The following FSIP2 variants were observed in gnomAD, a reference collection of about 807,000 sequenced individuals.
FSIP2 encodes the protein fibrous sheath interacting protein 2.
In FSIP2, 367 loss-of-function variants were observed where a neutral mutation model predicts 510.5. The observed-to-expected ratio is 0.72, with a 90% CI of 0.66 to 0.78. The LOEUF is 0.78. Ranked by LOEUF, FSIP2 falls within the 30% of genes least tolerant of loss-of-function variation. The pLI is 0.00. For synonymous variants in FSIP2, 2,601 were observed against 2,732.2 expected (o/e 0.95, Z 1.50); for missense variants, 7,594 against 7,901.7 (o/e 0.96, Z 1.48).
chr2:185,768,139 T>C (rs1692533347), intron 13 of FSIP2, among the ~76,000 whole-genome samples: 1 of 152,108 alleles, frequency 6.6e-6, no homozygotes, highest in African/African-American at 2.4e-5. Context: ...ACTATTGAGT[T>C]GTTTCAGATT....
Position 185,790,079 on chromosome 2 carries a change from T to C in FSIP2, c.2943T>C (p.Asn981=), listed in dbSNP as rs554649566. The C allele has an allele frequency of 3.3e-6, 5 of 1,533,654 alleles. No homozygotes were observed. In the South Asian group the frequency reaches 3.6e-5, roughly 11 times the overall value. Reference sequence around the variant, plus strand: ...GACTCACTGGCACTAGATTATCAAATAGTCCTAGGTCTGGAAGACCATTTC... The same window carrying C: ...GACTCACTGGCACTAGATTATCAAACAGTCCTAGGTCTGGAAGACCATTTC... The part of the protein sequence containing the change: ...KYRLTGTRLS[N]SPRSGRPFPP... Residue 981 remains asparagine (N), a synonymous_variant, in exon 16 of 23, where the codon AAT becomes AAC. Transcript: ENST00000424728.
At chr2:185,759,182 A>T (rs1692301475) in intron 9 of FSIP2, among the ~76,000 whole-genome samples, 1 of 150,844 alleles carries the variant, frequency 6.6e-6, no homozygotes, top group Non-Finnish European at 1.5e-5. Context: ...CTTTGTTAGA[A>T]AAAGACATCC....
chr2:185,832,839 T>C (rs966007767), intron 22 of FSIP2, among the ~76,000 whole-genome samples: 3 of 151,918 alleles, frequency 2.0e-5, no homozygotes, highest in Non-Finnish European at 2.9e-5. Flanking sequence ...CTGTATAGAG[T>C]TGAAAGTTAA....
rs1693606278 is a variant in FSIP2, at chr2:185,807,297, A to G, written c.17991A>G (p.Glu5997=). 1.2e-6 allele frequency: 2 copies of G among 1,612,824 alleles called. No homozygotes were observed. Residue 5997 remains glutamate (E), a synonymous_variant, in exon 17 of 23, where the codon GAA becomes GAG. Coordinates refer to ENST00000424728, the MANE Select transcript of FSIP2 (RefSeq NM_173651.4). ...VQKLAQTASK[E]CQTSSPYTII... ...AGTTGGCCCAAACAGCCAGCAAAGA[A>G]TGTCAAACTTCATCACCATATACAA...
rs879144023 is a variant in FSIP2 at position 185,793,694 on chromosome 2, C to T, written c.6558C>T (p.Pro2186=). The part of the protein sequence containing the change: ...NAKNPTSARL[P]LTFCDTFPKI... ...AGAATCCTACTTCTGCAAGATTGCC[C>T]CTGACATTTTGTGATACGTTTCCAA... The change falls in exon 16 of 23, where the codon CCC becomes CCT. Residue 2186 remains proline (P), a synonymous_variant. Coordinates refer to ENST00000424728, the MANE Select transcript of FSIP2 (RefSeq NM_173651.4). 2.0e-6 allele frequency: 3 copies of T among 1,534,698 alleles called. No homozygotes were observed. Among genetic ancestry groups the T allele is most frequent in the Non-Finnish European group, 2.6e-6 (3 of 1,145,828 alleles).
In FSIP2 at chr2:185,795,781, T is replaced by G; in HGVS notation, c.8645T>G (p.Leu2882Arg). The G allele has an allele frequency of 6.5e-7, 1 of 1,533,880 alleles. No individual in the cohort carries two copies. The highest frequency in any genetic ancestry group is 8.7e-7 in the Non-Finnish European group (1 of 1,145,218). Residue 2882 changes from leucine to arginine, a missense_variant, in exon 16 of 23, where the codon CTT (leucine) becomes CGT (arginine). Coordinates refer to ENST00000424728, the MANE Select transcript of FSIP2 (RefSeq NM_173651.4). ...AAAGAATTAGAATATTCTCTTTCAC[T>G]TTTAAATTTGCCCCCTCTTGAGAAT... is the stretch of plus-strand genomic sequence containing the variant. ...KAKELEYSLS[L>R]LNLPPLENCE...
chr2:185,808,049 C>T lies in FSIP2; in HGVS notation c.18743C>T (p.Thr6248Ile), dbSNP rs1196539582. The change falls in exon 17 of 23, where the codon ACT becomes ATT. Residue 6248 changes from threonine to isoleucine, a missense_variant. Transcript: ENST00000424728. Reference sequence around the variant, plus strand: ...ACTGTGCCTGTAGCTGATAATGCAACTATTGAAAACATAGTTAATTCTATT... The same window carrying T: ...ACTGTGCCTGTAGCTGATAATGCAATTATTGAAAACATAGTTAATTCTATT... ...SPTVPVADNA[T>I]IENIVNSIYT... 6.2e-7 allele frequency: 1 copy of T among 1,610,786 alleles called. No homozygotes were observed. The highest frequency in any genetic ancestry group is 8.5e-7 in the Non-Finnish European group (1 of 1,178,726).
rs1186041724 is a variant in FSIP2, at chr2:185,801,634, C to T, written c.12328C>T (p.Pro4110Ser). The T allele has an allele frequency of 1.3e-6, 2 of 1,529,798 alleles. No individual in the cohort carries two copies. Among genetic ancestry groups the T allele is most frequent in the Admixed American group, 4.0e-5 (2 of 50,058 alleles). The allele number at this position is 1,529,798 out of a possible 1,614,324, so 94.8% of individuals were successfully genotyped here. The change falls in exon 17 of 23, where the codon CCT (proline) becomes TCT (serine). Residue 4110 changes from proline to serine, a missense_variant. Pro to Ser is a moderately conservative substitution (Grantham distance 74). Transcript: ENST00000424728. ...LIPHSYYPLKPEIILQKLQSN... is the reference protein window; with the variant it reads ...LIPHSYYPLKSEIILQKLQSN... The stretch of plus-strand genomic sequence containing the variant: ...ACCCCATTCATATTACCCTCTCAAA[C>T]CTGAAATTATATTGCAAAAGCTTCA...
intron 4 of FSIP2, chr2:185,744,937 G>C (rs1462726542): frequency 6.6e-6 from 1 of 152,226 alleles, no homozygotes; most frequent in Non-Finnish European, 1.5e-5. Flanking sequence ...TATGGATAGT[G>C]ACTTCCTTTT....
intron 13 of FSIP2, among the ~76,000 whole-genome samples, chr2:185,772,644 C>G (rs1692627327): frequency 6.6e-6 from 1 of 152,178 alleles, no homozygotes. Context: ...ATGATCCAAA[C>G]ACTTCCCATC....
chr2:185,822,584 CCT>C (rs1194838119), intron 19 of FSIP2, among the ~76,000 whole-genome samples: 1 of 151,750 alleles, frequency 6.6e-6, no homozygotes, highest in Non-Finnish European at 1.5e-5. Flanking sequence ...TAGAAAGACA[CCT>C]CATGTTTATA....
At chr2:185,757,845 G>A (rs530835717) in intron 9 of FSIP2, among the ~76,000 whole-genome samples, 1 of 151,318 alleles carries the variant, frequency 6.6e-6, no homozygotes, top group East Asian at 2.0e-4. Flanking sequence ...ACAATTACAT[G>A]TATAAACAGA....
chr2:185,768,984 G>A (rs780141276), intron 13 of FSIP2, among the ~76,000 whole-genome samples: 10 of 152,236 alleles, frequency 6.6e-5, no homozygotes, highest in African/African-American at 2.4e-4. Flanking sequence ...TGGCTGCATA[G>A]TATTCTATGG....
chr2:185,823,802 T>G (rs536098091), intron 19 of FSIP2, among the ~76,000 whole-genome samples: 1 of 151,708 alleles, frequency 6.6e-6, no homozygotes, highest in Non-Finnish European at 1.5e-5. Flanking sequence ...TTATTCACCA[T>G]AGACAAATGA....
chr2:185,788,856 G>T lies in FSIP2; in HGVS notation c.1720G>T (p.Ala574Ser). Residue 574 changes from alanine (A) to serine (S), a missense_variant, in exon 16 of 23, where the codon GCA (alanine) becomes TCA (serine). Physicochemically the swap from Ala to Ser is moderately conservative, Grantham distance 99 (BLOSUM62 1). Coordinates refer to ENST00000424728, the MANE Select transcript of FSIP2 (RefSeq NM_173651.4). The stretch of plus-strand genomic sequence containing the variant: ...CTTTACATATAGAAGCTACACATCT[G>T]CAACAACTAAAACATTTCAGGCAGA... ...EDFTYRSYTS[A>S]TTKTFQAEPC... 5 of 1,534,828 alleles carry T rather than the reference G, an allele frequency of 3.3e-6. No homozygotes were observed. Among genetic ancestry groups the T allele is most frequent in the Non-Finnish European group, 4.4e-6 (5 of 1,145,962 alleles).
chr2:185,788,995 A>C lies in FSIP2; in HGVS notation c.1859A>C (p.Gln620Pro). ...VVGKTCHIKG[Q>P]SIISKHKYNK... ...GGGAAAACATGTCACATAAAAGGACAATCTATAATCTCTAAACATAAATAT... is the reference window on the plus strand; with the variant it reads ...GGGAAAACATGTCACATAAAAGGACCATCTATAATCTCTAAACATAAATAT... Residue 620 changes from glutamine (Q) to proline (P), a missense_variant, in exon 16 of 23, where the codon CAA becomes CCA. By Grantham distance (76) the Gln-to-Pro change is moderately conservative. Transcript: ENST00000424728. 2 of 1,534,262 alleles carry C rather than the reference A, an allele frequency of 1.3e-6. No homozygotes were observed. The highest frequency in any genetic ancestry group is 1.7e-4 in the Middle Eastern group (1 of 5,984).
At position 185,761,836 on chromosome 2, in the gene FSIP2, C is replaced by T. The variant is rs1692358816; in HGVS notation, c.1195-136C>T. The T allele has an allele frequency of 8.2e-6, 4 of 489,056 alleles. No individual in the cohort carries two copies. The Admixed American group carries it at 1.0e-4, about 13-fold the overall frequency. The allele number at this position is 489,056 out of a possible 1,614,324, so 30.3% of individuals were successfully genotyped here. On this transcript the variant is annotated intron_variant, in intron 10 of 22. Transcript: ENST00000424728. Reference sequence around the variant, plus strand: ...TAGGAGGTTGATGATATGTATTTTACCTAAACAGTTTTTATGAGTTACTGG... The same window carrying T: ...TAGGAGGTTGATGATATGTATTTTATCTAAACAGTTTTTATGAGTTACTGG...
chr2:185,830,537 C>A (rs1201061943), intron 21 of FSIP2, among the ~76,000 whole-genome samples: 3 of 151,826 alleles, frequency 2.0e-5, no homozygotes, highest in Non-Finnish European at 4.4e-5. Context: ...TGCATATAAC[C>A]TACACACATC....
chr2:185,794,897 T>TA lies in FSIP2; in HGVS notation c.7764dup (p.Gln2589ThrfsTer7). On this transcript the variant is annotated frameshift_variant, in exon 16 of 23. Transcript: ENST00000424728. LOFTEE classifies it high-confidence loss of function. ...TGAAACCATTAAGGTTTAGAGAAAC[T>TA]AAACAAGCAGGAAAAATAAGTAATT... 1 of 1,534,374 alleles carries TA rather than the reference T, an allele frequency of 6.5e-7. No homozygotes were observed. Among genetic ancestry groups the TA allele is most frequent in the Non-Finnish European group, 8.7e-7 (1 of 1,145,722 alleles).
Sources: gnomAD v4.1 joint callset for allele counts (sites outside exome capture counted in the v4.1 genomes callset) on GRCh38, gnomAD v4.1.1 for gene constraint, MANE v1.5 for transcripts, NCBI Gene and HGNC (gene_info 2026-07-23, HGNC 2026-07-21) for gene names.